The following NPAS3 variants were observed in gnomAD, a reference collection of about 807,000 sequenced individuals.
NPAS3 encodes neuronal PAS domain-containing protein 3.
NPAS3 carries 14 observed loss-of-function variants against 73.1 expected under a neutral mutation model. The observed-to-expected ratio is 0.19, with a 90% confidence interval of 0.13 to 0.30. The LOEUF (loss-of-function observed/expected upper bound fraction) is 0.30. Ranked by LOEUF, NPAS3 falls within the 10% of genes least tolerant of loss-of-function variation. NPAS3 has a pLI of 1.00. For synonymous variants in NPAS3, 620 were observed against 541.5 expected, an observed-to-expected ratio of 1.14 and a Z score of -2.01; for missense variants, 1,096 against 1,250.0, an observed-to-expected ratio of 0.88 and a Z score of 1.86.
At chr14:33,261,703 T>TAC (rs1183268097) in intron 3 of NPAS3, among the ~76,000 whole-genome samples, 1 of 152,126 alleles carries the variant, frequency 6.6e-6, no homozygotes, top group Non-Finnish European at 1.5e-5. Context: ...ACATAACAAT[T>TAC]TTATGTGTCA....
intron 1 of NPAS3, among the ~76,000 whole-genome samples, chr14:32,968,692 C>A (rs1392824869): frequency 6.6e-6 from 1 of 151,968 alleles, no homozygotes; most frequent in Non-Finnish European, 1.5e-5. Flanking sequence ...TCTTGGAGTG[C>A]TTGCCTGGGT....
chr14:33,396,390 T>C (rs1212370398), intron 4 of NPAS3, among the ~76,000 whole-genome samples: 2 of 152,152 alleles, frequency 1.3e-5, no homozygotes, highest in Admixed American at 6.6e-5. Flanking sequence ...TCAAGGAAAA[T>C]ACCTTTGTTA....
At chr14:33,334,261 A>G (rs8019893) in intron 3 of NPAS3, among the ~76,000 whole-genome samples, 10,001 of 152,182 alleles carry the variant, frequency 0.066, 1,108 homozygotes, top group African/African-American at 0.23. Context: ...TTCACTGATT[A>G]TAAGTGTATG....
At position 33,147,796 on chromosome 14, in the gene NPAS3, T is replaced by A. The variant is rs150792892; in HGVS notation, c.141-67386T>A. ...GGATTAAAAAAAGTATGCACAGTCA[T>A]GTATAATTTAGACTTTTAGAAGATG... On this transcript the variant is annotated intron_variant, in intron 2 of 11. Coordinates refer to ENST00000356141, the Ensembl canonical transcript of NPAS3. Among the ~76,000 whole-genome samples, 1,106 of 149,062 alleles carry A rather than the reference T, an allele frequency of 7.4e-3. 6 individuals carry two copies. Among genetic ancestry groups the A allele is most frequent in the South Asian group, 0.015 (70 of 4,716 alleles).
rs2041472267 is a variant in NPAS3 at position 33,071,183 on chromosome 14, A to G, written c.140+15189A>G. Among the ~76,000 whole-genome samples, 3 of 152,204 alleles carry G rather than the reference A, an allele frequency of 2.0e-5. 1 individual carries two copies. Among genetic ancestry groups the G allele is most frequent in the South Asian group, 4.1e-4 (2 of 4,832 alleles). ...ATGGTTTATCATCATTAGGAACAAT[A>G]CTATTATCATCATGATTAATATTTT... On this transcript the variant is annotated intron_variant, in intron 2 of 11. Transcript: ENST00000356141.
chr14:33,345,622 T>A (rs934234361), intron 3 of NPAS3, among the ~76,000 whole-genome samples: 1 of 152,188 alleles, frequency 6.6e-6, no homozygotes, highest in Non-Finnish European at 1.5e-5. Context: ...TTAACTTCCT[T>A]TTCTTGTGTT....
At chr14:33,625,848 A>G (rs1179212297) in intron 5 of NPAS3, among the ~76,000 whole-genome samples, 6 of 152,336 alleles carry the variant, frequency 3.9e-5, no homozygotes, top group Non-Finnish European at 8.8e-5. Context: ...TGATTTTTCA[A>G]TCCATCAAAA....
chr14:33,126,962 C>T (rs77119317), intron 2 of NPAS3, among the ~76,000 whole-genome samples: 1,584 of 152,070 alleles, frequency 0.01, 28 homozygotes, highest in African/African-American at 0.035. Flanking sequence ...CTCACTTCAC[C>T]GCTCAATTTA....
chr14:33,460,627 G>A (rs374654288), intron 4 of NPAS3, among the ~76,000 whole-genome samples: 59 of 152,154 alleles, frequency 3.9e-4, no homozygotes, highest in African/African-American at 1.3e-3. Flanking sequence ...TATTTTCGGC[G>A]TACCCTACTG....
intron 4 of NPAS3, among the ~76,000 whole-genome samples, chr14:33,510,567 C>CA (rs1392256864): frequency 6.6e-6 from 1 of 151,846 alleles, no homozygotes; most frequent in African/African-American, 2.4e-5. Context: ...TTCATTTTCT[C>CA]AAAATAATAC....
At chr14:33,431,753 T>C (rs529515325) in intron 4 of NPAS3, among the ~76,000 whole-genome samples, 1 of 152,276 alleles carries the variant, frequency 6.6e-6, no homozygotes, top group South Asian at 2.1e-4. Context: ...TGATGATTCT[T>C]TTTTTATATT....
intron 2 of NPAS3, among the ~76,000 whole-genome samples, chr14:33,177,006 T>G (rs1176041633): frequency 1.3e-5 from 2 of 151,482 alleles, no homozygotes; most frequent in Non-Finnish European, 2.9e-5. Flanking sequence ...TACTGGCTAT[T>G]TGTATATCTC....
At chr14:33,408,441 C>T (rs1414392902) in intron 4 of NPAS3, among the ~76,000 whole-genome samples, 3 of 149,232 alleles carry the variant, frequency 2.0e-5, no homozygotes, top group African/African-American at 7.4e-5. Context: ...TAACTCTGTT[C>T]TTTTTTTTTT....
chr14:33,681,937 TACAA>T (rs781104872), intron 6 of NPAS3, among the ~76,000 whole-genome samples: 10 of 152,154 alleles, frequency 6.6e-5, no homozygotes, highest in South Asian at 2.1e-4. Flanking sequence ...AAATTCTGAA[TACAA>T]ACAAACAGTG....
chr14:32,938,614 C>T (rs2035807284), upstream of NPAS3, among the ~76,000 whole-genome samples: 1 of 151,464 alleles, frequency 6.6e-6, no homozygotes, highest in Admixed American at 6.6e-5. Context: ...AGCGGTCAAG[C>T]TGGAACCCCC....
chr14:33,056,742 C>T (rs1473629450), intron 2 of NPAS3, among the ~76,000 whole-genome samples: 1 of 151,998 alleles, frequency 6.6e-6, no homozygotes, highest in Non-Finnish European at 1.5e-5. Flanking sequence ...TTGGAATCTT[C>T]CCCAAAAAAG....
In NPAS3 at chr14:33,004,256, G is replaced by A. The variant is rs575340541; in HGVS notation, c.51-51649G>A. ...TAGGCTCCTTTGTCATTGTGCAAAC[G>A]TCATAGAGTACATTTACACAAACCT... On this transcript the variant is annotated intron_variant, in intron 1 of 11. Transcript: ENST00000356141. Among the ~76,000 whole-genome samples, 43 of 152,190 alleles carry A rather than the reference G, an allele frequency of 2.8e-4. No homozygotes were observed. The South Asian group carries it at 2.9e-3, about 10-fold the overall frequency.
intron 3 of NPAS3, among the ~76,000 whole-genome samples, chr14:33,349,014 G>A (rs1348339821): frequency 6.6e-6 from 1 of 152,126 alleles, no homozygotes; most frequent in Non-Finnish European, 1.5e-5. Flanking sequence ...CCACGAGTGG[G>A]CATCCATCAG....
intron 3 of NPAS3, among the ~76,000 whole-genome samples, chr14:33,273,167 GT>G (rs1008870680): frequency 6.6e-6 from 1 of 152,106 alleles, no homozygotes; most frequent in African/African-American, 2.4e-5. Flanking sequence ...TGTGTGGGCT[GT>G]CCCCTGACTC....
Sources: allele counts gnomAD v4.1 joint callset (sites outside exome capture counted in the v4.1 genomes callset), GRCh38; gene constraint gnomAD v4.1.1; transcripts MANE v1.5; gene names NCBI Gene and HGNC (gene_info 2026-07-23, HGNC 2026-07-21).